The following CUX2 variants were observed in gnomAD, a reference collection of about 807,000 sequenced individuals.
CUX2 encodes the protein homeobox protein cut-like 2.
In CUX2, 40 loss-of-function variants were observed where a neutral mutation model predicts 144.8. That is an observed-to-expected ratio of 0.28 (90% confidence interval 0.21 to 0.36). The LOEUF is 0.36. Among genes scored for constraint, CUX2 ranks in the 10% least tolerant of loss-of-function variants. The probability of loss-of-function intolerance (pLI) is 1.00; values close to 1 mark genes in which losing one functional copy is unlikely to be tolerated. For missense variants in CUX2, 1,615 were observed against 1,994.0 expected, an observed-to-expected ratio of 0.81 and a Z score of 3.62; for synonymous variants, 827 against 875.6, an observed-to-expected ratio of 0.94 and a Z score of 0.98.
intron 1 of CUX2, among the ~76,000 whole-genome samples, chr12:111,098,410 A>G (rs1022233798): frequency 1.3e-5 from 2 of 152,122 alleles, no homozygotes; most frequent in Non-Finnish European, 2.9e-5. Context: ...AAAAAAAAAA[A>G]AAAAAAGAAC....
chr12:111,036,346 G>A (rs1200650292), intron 1 of CUX2, among the ~76,000 whole-genome samples: 1 of 152,184 alleles, frequency 6.6e-6, no homozygotes, highest in East Asian at 1.9e-4. Context: ...GTGCTGAGGG[G>A]AGGGTGCGGC....
intron 4 of CUX2, among the ~76,000 whole-genome samples, chr12:111,265,253 G>A (rs1884323634): frequency 6.6e-6 from 1 of 151,720 alleles, no homozygotes; most frequent in African/African-American, 2.4e-5. Context: ...TGTACACAAA[G>A]GATCTATACA....
At chr12:111,262,151 A>G (rs1312421347) in intron 3 of CUX2, among the ~76,000 whole-genome samples, 1 of 152,142 alleles carries the variant, frequency 6.6e-6, no homozygotes, top group Non-Finnish European at 1.5e-5. Flanking sequence ...TCATCTGGGG[A>G]AGCTGCCTTA....
chr12:111,244,427 G>T (rs551344811), intron 3 of CUX2, among the ~76,000 whole-genome samples: 3 of 152,236 alleles, frequency 2.0e-5, no homozygotes, highest in African/African-American at 7.2e-5. Flanking sequence ...CCATGTTGTC[G>T]CTAGATAGCA....
intron 1 of CUX2, among the ~76,000 whole-genome samples, chr12:111,094,967 T>A (rs190910584): frequency 6.6e-6 from 1 of 152,314 alleles, no homozygotes; most frequent in Non-Finnish European, 1.5e-5. Context: ...AATTGTCCCC[T>A]GGCCCCCTAC....
At chr12:111,177,950 G>A (rs949064670) in intron 1 of CUX2, among the ~76,000 whole-genome samples, 4 of 152,228 alleles carry the variant, frequency 2.6e-5, no homozygotes, top group Admixed American at 6.5e-5. Flanking sequence ...AATGCCCAGC[G>A]CGTAGTAAGC....
At chr12:111,226,797 G>A (rs1003354879) in intron 3 of CUX2, among the ~76,000 whole-genome samples, 2 of 152,198 alleles carry the variant, frequency 1.3e-5, no homozygotes, top group Non-Finnish European at 1.5e-5. Flanking sequence ...AAGAGTGATC[G>A]CTCCAGCCGC....
At chr12:111,296,246 A>G (rs901961272) in intron 7 of CUX2, among the ~76,000 whole-genome samples, 1 of 151,856 alleles carries the variant, frequency 6.6e-6, no homozygotes. Context: ...TCTGCCCCGC[A>G]CTGCCCACCC....
Position 111,320,537 on chromosome 12 carries a change from A to C in CUX2, c.2528A>C (p.Glu843Ala). 1 of 1,553,218 alleles carries C rather than the reference A, an allele frequency of 6.4e-7. No individual in the cohort carries two copies. The highest frequency in any genetic ancestry group is 1.2e-5 in the South Asian group (1 of 86,168). Residue 843 changes from glutamate to alanine, a missense_variant, in exon 17 of 22, where the codon GAG (glutamate) becomes GCG (alanine). Glu to Ala is a moderately radical substitution (Grantham distance 107, BLOSUM62 -1). Coordinates refer to ENST00000261726, the MANE Select transcript of CUX2 (RefSeq NM_015267.4). This position sits in a 1 kb window ranked among gnomAD's most constrained non-coding sequence, Gnocchi z 8.1. ...GAGGACGAGGCGGCGGCAGGGGCGG[A>C]GGACGAACCCCCCAGGACGGGCGAG... ...PPEDEAAAGA[E>A]DEPPRTGELK...
intron 1 of CUX2, among the ~76,000 whole-genome samples, chr12:111,170,738 A>G (rs774177880): frequency 2.6e-5 from 4 of 151,760 alleles, no homozygotes; most frequent in Non-Finnish European, 5.9e-5. Context: ...AGTCTTCCCC[A>G]TTCTCCGACA....
At chr12:111,261,895 A>G (rs1027015352) in intron 3 of CUX2, among the ~76,000 whole-genome samples, 1 of 152,072 alleles carries the variant, frequency 6.6e-6, no homozygotes, top group Non-Finnish European at 1.5e-5. Context: ...ACAGAGAAAG[A>G]CTCTGTCTCT....
intron 1 of CUX2, 25 bp from the exon 2 acceptor site, chr12:111,214,169 CTCTCTT>C (rs1565852961): frequency 3.4e-6 from 4 of 1,193,166 alleles, no homozygotes; most frequent in Non-Finnish European, 4.6e-6. Context: ...TTTTCTCTCT[CTCTCTT>C]TTTTTTTTTT....
chr12:111,259,165 G>C (rs1454274129), intron 3 of CUX2, among the ~76,000 whole-genome samples: 1 of 152,086 alleles, frequency 6.6e-6, no homozygotes, highest in Middle Eastern at 3.4e-3. Context: ...GGCCTCCCAA[G>C]TGCTGAGATT....
rs1185511746 is a variant in CUX2, at chr12:111,190,429, T to C, written c.64-23771T>C. Among the ~76,000 whole-genome samples the C allele has an allele frequency of 6.6e-6, 1 of 152,214 alleles. No individual in the cohort carries two copies. Among genetic ancestry groups the C allele is most frequent in the Non-Finnish European group, 1.5e-5 (1 of 68,038 alleles). ...CGCACACACCCCACACTCTTGTTCC[T>C]GACCTTTCTCAGGGAGACATCTCCC... On this transcript the variant is annotated intron_variant, in intron 1 of 21. Transcript: ENST00000261726. This position sits in a 1 kb window ranked among gnomAD's most constrained non-coding sequence, Gnocchi z 4.0.
Position 111,320,242 on chromosome 12 carries a change from G to T in CUX2, c.2233G>T (p.Val745Leu). Residue 745 changes from valine to leucine, a missense_variant, in exon 17 of 22, where the codon GTG (valine) becomes TTG (leucine). Physicochemically the swap from Val to Leu is conservative, Grantham distance 32 (BLOSUM62 1). Transcript: ENST00000261726. The surrounding 1 kb of genome is among the most constrained non-coding windows in gnomAD (Gnocchi z 8.1). ...TASQNGAPALVKQEEGSGGPA... is the reference protein window; with the variant it reads ...TASQNGAPALLKQEEGSGGPA... ...GAGCCAGAACGGGGCCCCGGCCTTG[G>T]TGAAGCAGGAGGAGGGCAGCGGGGG... 6.3e-7 allele frequency: 1 copy of T among 1,581,932 alleles called. No homozygotes were observed. Among genetic ancestry groups the T allele is most frequent in the Non-Finnish European group, 8.5e-7 (1 of 1,171,814 alleles).
At chr12:111,252,587 T>G (rs968542209) in intron 3 of CUX2, among the ~76,000 whole-genome samples, 2 of 152,096 alleles carry the variant, frequency 1.3e-5, no homozygotes, top group African/African-American at 2.4e-5. Flanking sequence ...CTGGGAAGCC[T>G]CGGGGTTTTA....
chr12:111,081,750 C>T (rs1416893702), intron 1 of CUX2, among the ~76,000 whole-genome samples: 2 of 152,174 alleles, frequency 1.3e-5, no homozygotes, highest in Non-Finnish European at 1.5e-5. Flanking sequence ...AGCCACTGTC[C>T]ACTGTGTAGC....
Position 111,308,280 on chromosome 12 carries a change from G to A in CUX2, c.1110-5G>A. The A allele has an allele frequency of 6.2e-7, 1 of 1,614,000 alleles. No homozygotes were observed. Reference sequence around the variant, plus strand: ...ACCTCAGACCCTCTCCACTTGCTCTGGCAGCATCCTGAAAGCCATGAAGCT... The same window carrying A: ...ACCTCAGACCCTCTCCACTTGCTCTAGCAGCATCCTGAAAGCCATGAAGCT... On this transcript the variant is annotated splice_polypyrimidine_tract_variant and splice_region_variant and intron_variant, in intron 12 of 21. Transcript: ENST00000261726.
intron 9 of CUX2, among the ~76,000 whole-genome samples, chr12:111,303,220 CGAAA>C (rs1459625808): frequency 9.0e-5 from 5 of 55,624 alleles, no homozygotes; most frequent in Admixed American, 2.6e-4. Flanking sequence ...GACCCTGTCT[CGAAA>C]AAAAAAAAAA....
Sources: allele counts gnomAD v4.1 joint callset (sites outside exome capture counted in the v4.1 genomes callset), GRCh38; gene constraint gnomAD v4.1.1; non-coding constraint Gnocchi (gnomAD v3.1); transcripts MANE v1.5; gene names NCBI Gene and HGNC (gene_info 2026-07-23, HGNC 2026-07-21).